ZFHX4: variants seen among roughly 807,000 people sequenced by gnomAD.
The protein encoded by ZFHX4 is zinc finger homeobox protein 4.
In ZFHX4, 56 loss-of-function variants were observed where a neutral mutation model predicts 267.6. That is an observed-to-expected ratio of 0.21 (90% CI 0.17 to 0.26). The LOEUF (loss-of-function observed/expected upper bound fraction) is 0.26. ZFHX4 is among the 10% of genes least tolerant of loss of function. The probability of loss-of-function intolerance (pLI) is 1.00; values close to 1 mark genes in which losing one functional copy is unlikely to be tolerated. For missense variants in ZFHX4, 4,332 were observed against 4,420.0 expected (o/e 0.98, Z 0.56); for synonymous variants, 1,778 against 1,665.6 (o/e 1.07, Z -1.64).
At chr8:76,850,058 A>G (rs1812470532) in intron 8 of ZFHX4, 187 bp from the exon 9 acceptor site, 2 of 589,972 alleles carry the variant, frequency 3.4e-6, no homozygotes, top group Non-Finnish European at 3.0e-6. Context: ...AATAATAATA[A>G]TACAACATTG....
intron 1 of ZFHX4, among the ~76,000 whole-genome samples, chr8:76,701,780 C>T (rs1282008151): frequency 6.6e-6 from 1 of 152,130 alleles, no homozygotes; most frequent in African/African-American, 2.4e-5. Flanking sequence ...GAGCTTTCCT[C>T]ACTCTTTCTA....
chr8:76,785,833 C>A (rs1361707818), intron 4 of ZFHX4, among the ~76,000 whole-genome samples: 1 of 152,136 alleles, frequency 6.6e-6, no homozygotes, highest in African/African-American at 2.4e-5. Context: ...TGCAAATGGT[C>A]ATTTGGCTTG....
At position 76,704,866 on chromosome 8, in the gene ZFHX4, G is replaced by A. The variant is rs375151254; in HGVS notation, c.778G>A (p.Val260Met). 1.1e-5 allele frequency: 17 copies of A among 1,614,062 alleles called. No homozygotes were observed. Among genetic ancestry groups the A allele is most frequent in the Admixed American group, 1.7e-5 (1 of 60,006 alleles). Residue 260 changes from valine to methionine, a missense_variant, in exon 2 of 11, where the codon GTG becomes ATG. By Grantham distance (21) the Val-to-Met change is conservative. Transcript: ENST00000651372. ...TGTGTCCAAAGATGTCCCTAACAAT[G>A]TGGACTTGTCCAAATTCGATGGTTG... ...SCVSKDVPNN[V>M]DLSKFDGCVS...
At chr8:76,796,700 C>A (rs1216193666) in intron 4 of ZFHX4, among the ~76,000 whole-genome samples, 1 of 152,116 alleles carries the variant, frequency 6.6e-6, no homozygotes, top group African/African-American at 2.4e-5. Flanking sequence ...AAAACCAGAA[C>A]CCAGGCTGGG....
At chr8:76,761,111 A>C (rs1382537036) in intron 3 of ZFHX4, among the ~76,000 whole-genome samples, 16 of 152,166 alleles carry the variant, frequency 1.1e-4, no homozygotes, top group Admixed American at 6.5e-5. Flanking sequence ...TTCTGCATTC[A>C]AATTAAGTGA....
chr8:76,815,094 C>T (rs1308315464), intron 4 of ZFHX4, among the ~76,000 whole-genome samples: 1 of 152,004 alleles, frequency 6.6e-6, no homozygotes, highest in African/African-American at 2.4e-5. Context: ...AGAGGTAGGT[C>T]TAGCAAGAGA....
chr8:76,797,124 A>G (rs1242517184), intron 4 of ZFHX4, among the ~76,000 whole-genome samples: 1 of 152,206 alleles, frequency 6.6e-6, no homozygotes, highest in Non-Finnish European at 1.5e-5. Flanking sequence ...TCGTATATTC[A>G]ATCCATCTGT....
In ZFHX4 at chr8:76,705,376, T is replaced by C. The variant is rs1260332580; in HGVS notation, c.1288T>C (p.Ser430Pro). Residue 430 changes from serine (S) to proline (P), a missense_variant, in exon 2 of 11, where the codon TCT becomes CCT. This residue lies in a region of ZFHX4 where 1,195 missense variants were observed against 1,173.6 expected (regional missense o/e 1.02). Transcript: ENST00000651372. ...CTCTGTCTCCCTCAGCCACTCATCG[T>C]CTGAGTCTAGCAAGATGTCAGAGAG... ...ITSVSLSHSSSESSKMSESKD... is the reference protein window; with the variant it reads ...ITSVSLSHSSPESSKMSESKD... The C allele has an allele frequency of 6.2e-7, 1 of 1,613,940 alleles. No individual in the cohort carries two copies. The highest frequency in any genetic ancestry group is 8.5e-7 in the Non-Finnish European group (1 of 1,179,888).
At chr8:76,773,461 C>T (rs1253785848) in intron 3 of ZFHX4, among the ~76,000 whole-genome samples, 1 of 152,006 alleles carries the variant, frequency 6.6e-6, no homozygotes, top group Non-Finnish European at 1.5e-5. Context: ...TATATTTGTT[C>T]AAGTTGATTT....
intron 4 of ZFHX4, among the ~76,000 whole-genome samples, chr8:76,831,017 A>G (rs1811920102): frequency 6.6e-6 from 1 of 152,144 alleles, no homozygotes; most frequent in African/African-American, 2.4e-5. Context: ...ATTCCAGGCC[A>G]TTGGTTTCTA....
intron 3 of ZFHX4, among the ~76,000 whole-genome samples, chr8:76,732,086 C>T (rs537296252): frequency 6.6e-6 from 1 of 152,094 alleles, no homozygotes; most frequent in East Asian, 1.9e-4. Flanking sequence ...AAGTGATCTG[C>T]CTGTCTCAGC....
rs143952355 is a variant in ZFHX4 at position 76,746,495 on chromosome 8, G to C, written c.3094-31713G>C. The stretch of plus-strand genomic sequence containing the variant: ...AGAGAATTAAAGCAGGATTCACCCC[G>C]GTGATCATTTTCAGAACTTCATTCT... On this transcript the variant is annotated intron_variant, in intron 3 of 10. Transcript: ENST00000651372. Among the ~76,000 whole-genome samples, 51 of 152,236 alleles carry C rather than the reference G, an allele frequency of 3.4e-4. 1 individual carries two copies. The highest frequency in any genetic ancestry group is 1.1e-3 in the African/African-American group (45 of 41,554).
At chr8:76,849,459 C>A in intron 7 of ZFHX4, 53 bp from the exon 8 acceptor site, 1 of 1,497,704 alleles carries the variant, frequency 6.7e-7, no homozygotes, top group Non-Finnish European at 9.3e-7. Context: ...TACTATGTAT[C>A]AAATAAGAAA....
intron 4 of ZFHX4, among the ~76,000 whole-genome samples, chr8:76,794,874 T>TGC (rs149465216): frequency 0.03 from 2,228 of 73,800 alleles, 26 homozygotes; most frequent in Admixed American, 0.039. Flanking sequence ...GGCCTGTCAT[T>TGC]GTGTGTGTGT....
At chr8:76,715,007 T>G (rs1808527328) in intron 3 of ZFHX4, among the ~76,000 whole-genome samples, 1 of 152,228 alleles carries the variant, frequency 6.6e-6, no homozygotes, top group Admixed American at 6.5e-5. Flanking sequence ...ATAATGTCAC[T>G]TCTGTGTCTT....
At chr8:76,725,097 T>A (rs1014442371) in intron 3 of ZFHX4, among the ~76,000 whole-genome samples, 1 of 152,136 alleles carries the variant, frequency 6.6e-6, no homozygotes. Context: ...CTGTATTGTA[T>A]GTTCTATAAT....
Position 76,854,121 on chromosome 8 carries a change from G to A in ZFHX4, c.7200G>A (p.Glu2400=), listed in dbSNP as rs555674176. 6.2e-7 allele frequency: 1 copy of A among 1,613,424 alleles called. No homozygotes were observed. The highest frequency in any genetic ancestry group is 2.2e-5 in the East Asian group (1 of 44,800). ...PLIPSPKPEP[E]KTSPKPEYPA... ...TTCCATCACCCAAACCAGAACCTGA[G>A]AAGACTTCTCCAAAACCTGAATATC... Residue 2400 remains glutamate, a synonymous_variant, in exon 10 of 11, where the codon GAG becomes GAA. Coordinates refer to ENST00000651372, the MANE Select transcript of ZFHX4 (RefSeq NM_024721.5).
chr8:76,851,124 T>A lies in ZFHX4; in HGVS notation c.4203T>A (p.His1401Gln). ...ATGTCTACAAGTATCGCTGTAACCATTGTAGCTTGGCTTTCAAAACTATGC... is the reference window on the plus strand; with the variant it reads ...ATGTCTACAAGTATCGCTGTAACCAATGTAGCTTGGCTTTCAAAACTATGC... ...DRHVYKYRCN[H>Q]CSLAFKTMQK... Residue 1401 changes from histidine (H) to glutamine (Q), a missense_variant, in exon 10 of 11, where the codon CAT (histidine) becomes CAA (glutamine). Coordinates refer to ENST00000651372, the MANE Select transcript of ZFHX4 (RefSeq NM_024721.5). The A allele has an allele frequency of 1.9e-6, 3 of 1,613,980 alleles. No individual in the cohort carries two copies. The highest frequency in any genetic ancestry group is 2.5e-6 in the Non-Finnish European group (3 of 1,179,878).
At chr8:76,753,731 T>C (rs1398113941) in intron 3 of ZFHX4, among the ~76,000 whole-genome samples, 1 of 150,998 alleles carries the variant, frequency 6.6e-6, no homozygotes, top group Non-Finnish European at 1.5e-5. Flanking sequence ...CTCAAGCTAT[T>C]CTCTCATCTC....
Sources: gnomAD v4.1 joint callset for allele counts (sites outside exome capture counted in the v4.1 genomes callset) on GRCh38, gnomAD v4.1.1 for gene constraint, gnomAD v4.1.1 regional missense constraint, MANE v1.5 for transcripts, NCBI Gene and HGNC (gene_info 2026-07-23, HGNC 2026-07-21) for gene names.